The following HECTD2 variants were observed in gnomAD, a reference collection of about 807,000 sequenced individuals.
The protein encoded by HECTD2 is probable E3 ubiquitin-protein ligase HECTD2.
Under a neutral mutation model 103.2 loss-of-function variants are expected in HECTD2, and 35 were observed. That is an observed-to-expected ratio of 0.34 (90% confidence interval 0.26 to 0.45). The LOEUF is 0.45. HECTD2 is among the 20% of genes least tolerant of loss of function. The probability of loss-of-function intolerance (pLI) is 1.00; values close to 1 mark genes in which losing one functional copy is unlikely to be tolerated. For missense variants in HECTD2, 596 were observed against 937.4 expected (o/e 0.64, Z 4.76); for synonymous variants, 281 against 329.9 (o/e 0.85, Z 1.61).
At chr10:91,467,090 C>T (rs983461923) in intron 5 of HECTD2, among the ~76,000 whole-genome samples, 1 of 151,986 alleles carries the variant, frequency 6.6e-6, no homozygotes, top group Non-Finnish European at 1.5e-5. Flanking sequence ...AGCTGGGAAA[C>T]CTGGGTGGGG....
chr10:91,437,864 G>A (rs1844200029), intron 2 of HECTD2, among the ~76,000 whole-genome samples: 1 of 151,800 alleles, frequency 6.6e-6, no homozygotes, highest in Non-Finnish European at 1.5e-5. Flanking sequence ...TTGAATAGTT[G>A]TAGAGATGAA....
chr10:91,512,508 G>GT lies in HECTD2; in HGVS notation c.*129dup. 2 of 919,994 alleles carry GT rather than the reference G, an allele frequency of 2.2e-6. No individual in the cohort carries two copies. Among genetic ancestry groups the GT allele is most frequent in the Non-Finnish European group, 3.2e-6 (2 of 624,498 alleles). The allele number at this position is 919,994 out of a possible 1,614,324, so 57.0% of individuals were successfully genotyped here. On this transcript the variant is annotated 3_prime_UTR_variant, in exon 21 of 21. Transcript: ENST00000298068. Reference sequence around the variant, plus strand: ...AAGCTCACCAACTTTAAAATATTAAGTTTTTAAAAAATCAAATATGAAGTA... The same window carrying GT: ...AAGCTCACCAACTTTAAAATATTAAGTTTTTTAAAAAATCAAATATGAAGTA...
At chr10:91,409,685 G>A (rs1169432383), upstream of HECTD2, among the ~76,000 whole-genome samples, 2 of 152,196 alleles carry the variant, frequency 1.3e-5, no homozygotes, top group Non-Finnish European at 2.9e-5. Context: ...AAGCCATCCA[G>A]GCGTGTACAA....
chr10:91,512,455 C>A lies in HECTD2; in HGVS notation c.*71C>A. 1 of 1,335,948 alleles carries A rather than the reference C, an allele frequency of 7.5e-7. No individual in the cohort carries two copies. Among genetic ancestry groups the A allele is most frequent in the Non-Finnish European group, 1.0e-6 (1 of 973,566 alleles). 82.8% of individuals were successfully genotyped at this position (1,335,948 alleles called of 1,614,324 possible). On this transcript the variant is annotated 3_prime_UTR_variant, in exon 21 of 21. Transcript: ENST00000298068. ...CCTCTTACTGTGCCTTTAGCCTTTT[C>A]ATGTTTCTGTCTCAAAACACTTTGA...
At chr10:91,506,456 CACAGAAATACAA>C (rs1847182044) in intron 20 of HECTD2, among the ~76,000 whole-genome samples, 2 of 151,152 alleles carry the variant, frequency 1.3e-5, no homozygotes, top group Admixed American at 1.3e-4. Flanking sequence ...CCACTGATCC[CACAGAAATACAA>C]ACTACCATCA....
intron 6 of HECTD2, among the ~76,000 whole-genome samples, chr10:91,479,959 A>AT (rs980311650): frequency 1.3e-5 from 2 of 151,822 alleles, no homozygotes; most frequent in Non-Finnish European, 2.9e-5. Flanking sequence ...TACTTTTGCC[A>AT]TTTTTTATTG....
intron 2 of HECTD2, among the ~76,000 whole-genome samples, chr10:91,457,692 AT>A (rs566568934): frequency 1.3e-5 from 2 of 152,026 alleles, no homozygotes; most frequent in Non-Finnish European, 2.9e-5. Context: ...TGCAATTAAC[AT>A]TTTATGTAGT....
intron 2 of HECTD2, among the ~76,000 whole-genome samples, chr10:91,439,487 CT>C (rs1844298023): frequency 6.6e-6 from 1 of 152,000 alleles, no homozygotes. Flanking sequence ...TTACTGTAGC[CT>C]TGTAGTATAG....
chr10:91,435,710 C>G (rs1844086335), intron 2 of HECTD2, among the ~76,000 whole-genome samples: 1 of 151,898 alleles, frequency 6.6e-6, no homozygotes, highest in Non-Finnish European at 1.5e-5. Flanking sequence ...AGTGTTGTGC[C>G]TTGGTGTGAG....
At position 91,491,327 on chromosome 10, in the gene HECTD2, G is replaced by A. The variant is rs376765068; in HGVS notation, c.1299+20G>A. ...GATGAGGTATAATTTATTCCAAAAT[G>A]ATATTAATTAAAGCTTAAAATTCTA... On this transcript the variant is annotated intron_variant, in intron 12 of 20. Coordinates refer to ENST00000298068, the MANE Select transcript of HECTD2 (RefSeq NM_182765.6). 1.0e-4 allele frequency: 118 copies of A among 1,127,200 alleles called. No homozygotes were observed. The highest frequency in any genetic ancestry group is 1.4e-4 in the Non-Finnish European group (109 of 776,450). 69.8% of individuals were successfully genotyped at this position (1,127,200 alleles called of 1,614,324 possible).
intron 1 of HECTD2, among the ~76,000 whole-genome samples, chr10:91,415,172 A>G (rs141683229): frequency 8.0e-5 from 12 of 149,676 alleles, no homozygotes; most frequent in East Asian, 3.9e-4. Flanking sequence ...GATGAGGTCA[A>G]TAGCATTCCA....
chr10:91,512,217 T>C, intron 20 of HECTD2, 47 bp from the exon 21 acceptor site: 1 of 1,592,294 alleles, frequency 6.3e-7, no homozygotes, highest in Non-Finnish European at 8.6e-7. Flanking sequence ...GCAGTCATTT[T>C]GTGTGTGTTT....
At chr10:91,433,913 A>G (rs565896195) in intron 2 of HECTD2, among the ~76,000 whole-genome samples, 2 of 152,106 alleles carry the variant, frequency 1.3e-5, no homozygotes, top group African/African-American at 4.8e-5. Flanking sequence ...TCAAGGCTGT[A>G]ATAAATTCTG....
intron 20 of HECTD2, among the ~76,000 whole-genome samples, chr10:91,507,243 C>T (rs2133379101): frequency 6.6e-6 from 1 of 151,026 alleles, no homozygotes; most frequent in East Asian, 2.0e-4. Context: ...CTCACCACTC[C>T]TATTCAACAT....
Position 91,501,324 on chromosome 10 carries a change from T to TAGTA in HECTD2, c.2200_2201insAGTA (p.Ser734Ter), listed in dbSNP as rs1245874712. ...CTTTAAAATCTCAAAGAATGAAACT[T>TAGTA]CTACTAACTGGTAAATTTCTGGATC... On this transcript the variant is annotated stop_gained and frameshift_variant, in exon 20 of 21. Coordinates refer to ENST00000298068, the MANE Select transcript of HECTD2 (RefSeq NM_182765.6). LOFTEE classifies it high-confidence loss of function. 1 of 1,587,754 alleles carries TAGTA rather than the reference T, an allele frequency of 6.3e-7. No individual in the cohort carries two copies. Among genetic ancestry groups the TAGTA allele is most frequent in the Non-Finnish European group, 8.6e-7 (1 of 1,167,680 alleles).
At chr10:91,482,736 T>C (rs1846138070) in intron 7 of HECTD2, among the ~76,000 whole-genome samples, 1 of 151,992 alleles carries the variant, frequency 6.6e-6, no homozygotes. Context: ...TAGTAAGTGG[T>C]AGAATTAGCC....
chr10:91,418,668 T>TG (rs1222262429), intron 1 of HECTD2, among the ~76,000 whole-genome samples: 4 of 151,850 alleles, frequency 2.6e-5, no homozygotes, highest in African/African-American at 7.3e-5. Context: ...TAGGGAACTG[T>TG]GAAAAAAAAC....
At chr10:91,470,815 C>T (rs962359220) in intron 5 of HECTD2, among the ~76,000 whole-genome samples, 6 of 152,010 alleles carry the variant, frequency 3.9e-5, no homozygotes, top group African/African-American at 1.2e-4. Flanking sequence ...AAAAAAAGCC[C>T]AGAACCAAGT....
chr10:91,432,040 T>A (rs1843905093), intron 2 of HECTD2, among the ~76,000 whole-genome samples: 1 of 151,968 alleles, frequency 6.6e-6, no homozygotes, highest in African/African-American at 2.4e-5. Context: ...CTGTTCTATC[T>A]GGATGCCACC....
Sources: gnomAD v4.1 joint callset for allele counts (sites outside exome capture counted in the v4.1 genomes callset) on GRCh38, gnomAD v4.1.1 for gene constraint, MANE v1.5 for transcripts, NCBI Gene and HGNC (gene_info 2026-07-23, HGNC 2026-07-21) for gene names.